Variants in GRIK4 observed in about 807,000 individuals in gnomAD.
GRIK4 encodes glutamate receptor ionotropic, kainate 4.
Under a neutral mutation model 104.9 loss-of-function variants are expected in GRIK4, and 40 were observed. The ratio of observed to expected loss-of-function variants is 0.38; its 90% CI spans 0.30 to 0.50. The LOEUF is 0.50. GRIK4 is among the 20% of genes least tolerant of loss of function. GRIK4 has a pLI of 0.93. For synonymous variants in GRIK4, 485 were observed against 524.9 expected, an observed-to-expected ratio of 0.92 and a Z score of 1.04; for missense variants, 1,047 against 1,308.1, an observed-to-expected ratio of 0.80 and a Z score of 3.08.
In GRIK4 at chr11:120,713,302, G is replaced by A. The variant is rs143163853; in HGVS notation, c.82+52902G>A. ...TTGTTTGGATTCGGCCACCTGACAT[G>A]CTAAGCACACCCCCTCCCAGTTTTG... is the stretch of plus-strand genomic sequence containing the variant. On this transcript the variant is annotated intron_variant, in intron 3 of 20. Coordinates refer to ENST00000527524, the MANE Select transcript of GRIK4 (RefSeq NM_014619.5). 7.8e-4 allele frequency among the ~76,000 whole-genome samples: 119 copies of A among 152,252 alleles called. 1 individual carries two copies. The East Asian group carries it at 0.021, about 27-fold the overall frequency.
At chr11:120,802,541 G>A in intron 3 of GRIK4, 152 bp from the exon 4 acceptor site, 1 of 677,150 alleles carries the variant, frequency 1.5e-6, no homozygotes, top group Non-Finnish European at 2.6e-6. Flanking sequence ...GAGAGAACTT[G>A]TTCTGGGGGA....
chr11:120,796,411 C>T (rs542412979), intron 3 of GRIK4, among the ~76,000 whole-genome samples: 1 of 152,256 alleles, frequency 6.6e-6, no homozygotes, highest in Admixed American at 6.5e-5. Flanking sequence ...GTGGATTATA[C>T]AAGCAGTTGA....
intron 3 of GRIK4, among the ~76,000 whole-genome samples, chr11:120,767,318 A>G (rs544274726): frequency 2.6e-5 from 4 of 152,290 alleles, no homozygotes; most frequent in Non-Finnish European, 4.4e-5. Flanking sequence ...GCACTTTTTC[A>G]TATATCTGTT....
chr11:120,741,275 CTTTTTTTTTTTTT>C (rs762543001), intron 3 of GRIK4, among the ~76,000 whole-genome samples: 2 of 106,920 alleles, frequency 1.9e-5, no homozygotes, highest in African/African-American at 3.4e-5. Flanking sequence ...CGTGTGCTTT[CTTTTTTTTTTTTT>C]TTTTTTTTTT....
intron 1 of GRIK4, among the ~76,000 whole-genome samples, chr11:120,526,309 C>T (rs1947855438): frequency 6.6e-6 from 1 of 152,138 alleles, no homozygotes; most frequent in Non-Finnish European, 1.5e-5. Flanking sequence ...ACCCTGGCAC[C>T]CGCCCTCTCA....
chr11:120,840,069 C>T (rs1249400223), intron 8 of GRIK4, among the ~76,000 whole-genome samples: 1 of 152,172 alleles, frequency 6.6e-6, no homozygotes, highest in Non-Finnish European at 1.5e-5. Flanking sequence ...ACAGCCATCA[C>T]AGGCGGAGCT....
chr11:120,766,814 C>T (rs1466844086), intron 3 of GRIK4, among the ~76,000 whole-genome samples: 2 of 151,638 alleles, frequency 1.3e-5, no homozygotes, highest in Non-Finnish European at 2.9e-5. Context: ...TGAAATGAAC[C>T]AGGTACCTCA....
intron 3 of GRIK4, among the ~76,000 whole-genome samples, chr11:120,799,299 A>C (rs12278106): frequency 0.13 from 19,081 of 152,202 alleles, 3,777 homozygotes; most frequent in African/African-American, 0.42. Context: ...CACCATCTCA[A>C]TGGGGTGGAG....
At chr11:120,670,042 C>G (rs1949988480) in intron 3 of GRIK4, among the ~76,000 whole-genome samples, 1 of 152,238 alleles carries the variant, frequency 6.6e-6, no homozygotes, top group African/African-American at 2.4e-5. Context: ...CATTCTATCT[C>G]TGTGGACATA....
Position 120,874,166 on chromosome 11 carries a change from G to T in GRIK4, c.1007G>T (p.Gly336Val). 6.2e-7 allele frequency: 1 copy of T among 1,613,680 alleles called. No individual in the cohort carries two copies. The highest frequency in any genetic ancestry group is 8.5e-7 in the Non-Finnish European group (1 of 1,179,962). Residue 336 changes from glycine to valine, a missense_variant, in exon 10 of 21, where the codon GGC becomes GTC. By Grantham distance (109) the Gly-to-Val change is moderately radical. Around this residue, in one of 3 missense-constraint regions of GRIK4, gnomAD observed 447 missense variants for 514.9 expected, o/e 0.87. Transcript: ENST00000527524. ...QEIGVKPLSCGSAQIWQHGTS... is the reference protein window; with the variant it reads ...QEIGVKPLSCVSAQIWQHGTS... ...ATCGGCGTGAAGCCCTTGTCCTGCG[G>T]CTCGGCCCAGATCTGGCAGCACGGC...
At chr11:120,895,047 C>A (rs2134466668) in intron 11 of GRIK4, among the ~76,000 whole-genome samples, 1 of 152,216 alleles carries the variant, frequency 6.6e-6, no homozygotes, top group South Asian at 2.1e-4. Context: ...AGTCTCTTTG[C>A]CGTGTCCCCA....
At chr11:120,688,789 C>T (rs576217363) in intron 3 of GRIK4, among the ~76,000 whole-genome samples, 65 of 152,082 alleles carry the variant, frequency 4.3e-4, no homozygotes, top group African/African-American at 1.5e-3. Context: ...TCAGAAAGGG[C>T]GTGAGATGTA....
rs530527932 is a variant in GRIK4, at chr11:120,967,348, C to T, written c.2395+25C>T. 1.6e-5 allele frequency: 25 copies of T among 1,598,816 alleles called. No individual in the cohort carries two copies. The South Asian group carries it at 2.3e-4, about 14-fold the overall frequency. Reference sequence around the variant, plus strand: ...GGTAAGGACGTTCAGGGCCATCCTCCTCCTGCCCTAGAGGACCAAAGTAGC... The same window carrying T: ...GGTAAGGACGTTCAGGGCCATCCTCTTCCTGCCCTAGAGGACCAAAGTAGC... On this transcript the variant is annotated intron_variant, in intron 19 of 20. Transcript: ENST00000527524. This position sits in a 1 kb window ranked among gnomAD's most constrained non-coding sequence, Gnocchi z 4.2.
chr11:120,975,977 A>T (rs955396697), intron 19 of GRIK4, among the ~76,000 whole-genome samples: 4 of 152,212 alleles, frequency 2.6e-5, no homozygotes, highest in African/African-American at 4.8e-5. Context: ...AACATTTAGC[A>T]TGCTGACTTT....
intron 1 of GRIK4, among the ~76,000 whole-genome samples, chr11:120,622,737 G>A (rs971523761): frequency 3.3e-5 from 5 of 152,172 alleles, no homozygotes; most frequent in African/African-American, 9.7e-5. Context: ...CTGTGCTCCC[G>A]CCAAAGGCCC....
Position 120,777,508 on chromosome 11 carries a change from C to T in GRIK4, c.83-25185C>T, listed in dbSNP as rs545486839. ...GTGAGTGCCCACTGTGTGCCCGGCA[C>T]GGGGTTGGGGCTGGGGGCACAGCAG... On this transcript the variant is annotated intron_variant, in intron 3 of 20. Transcript: ENST00000527524. Among the ~76,000 whole-genome samples the T allele has an allele frequency of 5.3e-5, 8 of 152,324 alleles. No individual in the cohort carries two copies. In the East Asian group the frequency reaches 7.7e-4, roughly 15 times the overall value.
At chr11:120,719,662 T>C (rs575254062) in intron 3 of GRIK4, among the ~76,000 whole-genome samples, 5 of 152,098 alleles carry the variant, frequency 3.3e-5, no homozygotes, top group Non-Finnish European at 7.4e-5. Flanking sequence ...GAGTCCAGAG[T>C]CATTCATACA....
At chr11:120,818,287 C>T (rs1953013279) in intron 5 of GRIK4, among the ~76,000 whole-genome samples, 1 of 152,238 alleles carries the variant, frequency 6.6e-6, no homozygotes, top group African/African-American at 2.4e-5. Context: ...GCCAGCCAGG[C>T]TACCCTGCCC....
At chr11:120,698,026 C>T (rs979920692) in intron 3 of GRIK4, among the ~76,000 whole-genome samples, 1 of 152,116 alleles carries the variant, frequency 6.6e-6, no homozygotes, top group African/African-American at 2.4e-5. Context: ...AAGGTGACAT[C>T]AAGGCAGGGG....
Sources: gnomAD v4.1 joint callset for allele counts (sites outside exome capture counted in the v4.1 genomes callset) on GRCh38, gnomAD v4.1.1 for gene constraint, gnomAD v4.1.1 regional missense constraint, Gnocchi (gnomAD v3.1) non-coding constraint, MANE v1.5 for transcripts, NCBI Gene and HGNC (gene_info 2026-07-23, HGNC 2026-07-21) for gene names.